KANK1: variants seen among roughly 807,000 people sequenced by gnomAD.
KANK1 encodes the protein KN motif and ankyrin repeat domains 1.
In KANK1, 109 loss-of-function variants were observed where a neutral mutation model predicts 106.2. That is an observed-to-expected ratio of 1.03 (90% CI 0.88 to 1.20). KANK1 has a LOEUF of 1.20. KANK1 is among the 50% of genes most tolerant of loss of function. The probability of loss-of-function intolerance (pLI) is 0.00; values close to 1 mark genes in which losing one functional copy is unlikely to be tolerated. For synonymous variants in KANK1, 873 were observed against 652.2 expected (o/e 1.34, Z -5.16); for missense variants, 2,399 against 1,710.7 (o/e 1.40, Z -7.10).
At chr9:528,058 G>A (rs1349643008) in intron 1 of KANK1, among the ~76,000 whole-genome samples, 11 of 151,682 alleles carry the variant, frequency 7.3e-5, no homozygotes, top group African/African-American at 2.2e-4. Context: ...GCATGAACCC[G>A]GGAGGTGGAG....
intron 1 of KANK1, among the ~76,000 whole-genome samples, chr9:639,765 C>T (rs1220445250): frequency 6.6e-6 from 1 of 152,158 alleles, no homozygotes; most frequent in African/African-American, 2.4e-5. Context: ...AAATTTATTG[C>T]TCACAGTTCT....
chr9:732,675 T>C (rs1832650084), intron 6 of KANK1, 58 bp downstream of exon 6: 3 of 1,581,398 alleles, frequency 1.9e-6, no homozygotes, highest in Non-Finnish European at 1.7e-6. Flanking sequence ...ACTTTGGCAA[T>C]AGAGTTGGCC....
At chr9:536,727 G>T (rs1198738419) in intron 1 of KANK1, among the ~76,000 whole-genome samples, 1 of 152,160 alleles carries the variant, frequency 6.6e-6, no homozygotes, top group African/African-American at 2.4e-5. Context: ...TCTTAATGCC[G>T]TCTGCACAAT....
chr9:613,184 A>G (rs1830975688), intron 1 of KANK1, among the ~76,000 whole-genome samples: 1 of 151,976 alleles, frequency 6.6e-6, no homozygotes, highest in South Asian at 2.1e-4. Context: ...AAGGCAAAGA[A>G]GTAATTGTGA....
chr9:472,173 C>G (rs950943541), intron 2 of KANK1, among the ~76,000 whole-genome samples: 6 of 152,192 alleles, frequency 3.9e-5, no homozygotes, highest in Admixed American at 3.3e-4. Context: ...GAGAGCTGGC[C>G]TGCCCACAGT....
rs191871990 is a variant in KANK1 at position 582,963 on chromosome 9, G to A, written c.-84+78209G>A. 2.5e-3 allele frequency among the ~76,000 whole-genome samples: 376 copies of A among 152,330 alleles called. 3 individuals are homozygous for A. The highest frequency in any genetic ancestry group is 8.6e-3 in the African/African-American group (356 of 41,580). ...TAAACTTGTAGTGACTGATAATGTA[G>A]CCTTGGCTCCTAGCCAAAAATATTT... On this transcript the variant is annotated intron_variant, in intron 1 of 11. Coordinates refer to ENST00000382297, the MANE Select transcript of KANK1 (RefSeq NM_015158.5).
intron 1 of KANK1, among the ~76,000 whole-genome samples, chr9:609,401 G>A (rs1005765065): frequency 6.6e-6 from 1 of 152,150 alleles, no homozygotes; most frequent in Non-Finnish European, 1.5e-5. Context: ...GCCGAGGAGG[G>A]CGGATCACCT....
chr9:524,419 T>C, intron 1 of KANK1, among the ~76,000 whole-genome samples: 1 of 151,840 alleles, frequency 6.6e-6, no homozygotes, highest in Non-Finnish European at 1.5e-5. Context: ...AATTCATTTA[T>C]TACAGAGATT....
chr9:667,979 C>T (rs1329657094), intron 1 of KANK1, among the ~76,000 whole-genome samples: 1 of 152,170 alleles, frequency 6.6e-6, no homozygotes, highest in East Asian at 1.9e-4. Context: ...GATCCACCCA[C>T]CTCAGCCTCC....
chr9:734,636 A>C, intron 6 of KANK1, 112 bp from the exon 7 acceptor site: 1 of 688,778 alleles, frequency 1.5e-6, no homozygotes, highest in East Asian at 2.9e-5. Flanking sequence ...ACTGCACTCC[A>C]GCCTGGGCGA....
At chr9:727,845 T>C (rs987699909) in intron 3 of KANK1, among the ~76,000 whole-genome samples, 4 of 152,184 alleles carry the variant, frequency 2.6e-5, no homozygotes, top group Non-Finnish European at 5.9e-5. Flanking sequence ...TTCTACAATA[T>C]ATCTGTAAAC....
At chr9:522,800 A>G (rs145113775) in intron 1 of KANK1, among the ~76,000 whole-genome samples, 4 of 151,708 alleles carry the variant, frequency 2.6e-5, no homozygotes, top group East Asian at 3.9e-4. Context: ...TCTCCTGACC[A>G]CCAGCCTCTG....
At chr9:637,430 T>C (rs1483279989) in intron 1 of KANK1, among the ~76,000 whole-genome samples, 1 of 152,216 alleles carries the variant, frequency 6.6e-6, no homozygotes, top group Non-Finnish European at 1.5e-5. Flanking sequence ...ATAGCTGATG[T>C]CATAAGTAGT....
At chr9:735,063 T>G (rs1378029061) in intron 7 of KANK1, among the ~76,000 whole-genome samples, 1 of 152,200 alleles carries the variant, frequency 6.6e-6, no homozygotes, top group Non-Finnish European at 1.5e-5. Flanking sequence ...CCTGGACTTT[T>G]CCTGGGGTGG....
At chr9:620,525 C>G (rs1832904307) in intron 1 of KANK1, among the ~76,000 whole-genome samples, 3 of 151,936 alleles carry the variant, frequency 2.0e-5, no homozygotes, top group Admixed American at 2.0e-4. Context: ...GCCTCTGCCT[C>G]CTGAGTAGCT....
At chr9:561,018 G>A (rs566670103) in intron 1 of KANK1, among the ~76,000 whole-genome samples, 2 of 152,108 alleles carry the variant, frequency 1.3e-5, no homozygotes. Context: ...TAATCATCCC[G>A]TTGTTTTCTG....
At chr9:714,671 C>T (rs527827702) in intron 3 of KANK1, among the ~76,000 whole-genome samples, 1 of 152,266 alleles carries the variant, frequency 6.6e-6, no homozygotes, top group East Asian at 1.9e-4. Flanking sequence ...TAGGCGCTTA[C>T]ATTTTTGTCT....
chr9:528,154 A>G (rs1227144409), intron 1 of KANK1, among the ~76,000 whole-genome samples: 2 of 151,878 alleles, frequency 1.3e-5, no homozygotes, highest in African/African-American at 4.8e-5. Flanking sequence ...AAAAAAAAAA[A>G]ACTTTTTAGG....
chr9:624,765 C>T (rs971571360), intron 1 of KANK1, among the ~76,000 whole-genome samples: 5 of 152,120 alleles, frequency 3.3e-5, no homozygotes, highest in African/African-American at 1.2e-4. Context: ...CGCCACTGTA[C>T]CCCAGCCTGG....
Sources: allele counts gnomAD v4.1 joint callset (sites outside exome capture counted in the v4.1 genomes callset), GRCh38; gene constraint gnomAD v4.1.1; transcripts MANE v1.5; gene names NCBI Gene and HGNC (gene_info 2026-07-23, HGNC 2026-07-21).